The following GSK3B variants were observed in gnomAD, a reference collection of about 807,000 sequenced individuals.
GSK3B encodes glycogen synthase kinase 3 beta.
GSK3B carries 15 observed loss-of-function variants against 56.4 expected under a neutral mutation model. The ratio of observed to expected loss-of-function variants is 0.27; its 90% confidence interval spans 0.18 to 0.41. The LOEUF (loss-of-function observed/expected upper bound fraction) is 0.41, where lower values mean the gene tolerates loss of function less well. Among genes scored for constraint, GSK3B ranks in the 10% least tolerant of loss-of-function variants. The pLI is 1.00. For synonymous variants in GSK3B, 181 were observed against 188.9 expected (o/e 0.96, Z 0.34); for missense variants, 300 against 513.4 (o/e 0.58, Z 4.02).
intron 3 of GSK3B, among the ~76,000 whole-genome samples, chr3:119,938,008 T>A (rs1028262302): frequency 6.6e-6 from 1 of 150,474 alleles, no homozygotes; most frequent in Non-Finnish European, 1.5e-5. Flanking sequence ...TGTTAACATA[T>A]TAGACAACCT....
At chr3:120,029,583 G>T (rs2057958156) in intron 1 of GSK3B, 2 of 585,870 alleles carry the variant, frequency 3.4e-6, no homozygotes, top group Non-Finnish European at 6.6e-6. Context: ...GGTCTTTGCA[G>T]CTGTCTGCAC....
At chr3:119,879,830 T>C (rs567372012) in intron 7 of GSK3B, among the ~76,000 whole-genome samples, 20 of 152,330 alleles carry the variant, frequency 1.3e-4, no homozygotes, top group African/African-American at 4.8e-4. Context: ...TATGAGTATA[T>C]ATATCACATT....
intron 1 of GSK3B, among the ~76,000 whole-genome samples, chr3:120,041,752 G>A (rs964556760): frequency 2.0e-5 from 3 of 152,270 alleles, no homozygotes; most frequent in South Asian, 2.1e-4. Flanking sequence ...AGGACTGGGC[G>A]ACAGTTCTTT....
At chr3:120,042,146 A>G (rs1037964957) in intron 1 of GSK3B, among the ~76,000 whole-genome samples, 4 of 152,206 alleles carry the variant, frequency 2.6e-5, no homozygotes, top group Non-Finnish European at 1.5e-5. Context: ...GAGTCAGGAA[A>G]ATAACCTAAC....
chr3:119,954,014 GACAC>G (rs1576225995), intron 2 of GSK3B, among the ~76,000 whole-genome samples: 1 of 151,968 alleles, frequency 6.6e-6, no homozygotes, highest in African/African-American at 2.4e-5. Context: ...CACAGACACA[GACAC>G]ACACTCACAA....
chr3:119,895,156 T>G (rs889444051), intron 7 of GSK3B, among the ~76,000 whole-genome samples: 10 of 152,160 alleles, frequency 6.6e-5, no homozygotes, highest in African/African-American at 2.2e-4. Context: ...AGAATCCACA[T>G]ATTAGTAAGA....
At chr3:120,007,978 T>C (rs1030855319) in intron 1 of GSK3B, among the ~76,000 whole-genome samples, 5 of 151,322 alleles carry the variant, frequency 3.3e-5, no homozygotes, top group African/African-American at 1.2e-4. Context: ...AGTCAAATTG[T>C]CTCTGTTTGA....
chr3:119,880,090 A>G (rs964259849), intron 7 of GSK3B, among the ~76,000 whole-genome samples: 1 of 151,582 alleles, frequency 6.6e-6, no homozygotes, highest in Non-Finnish European at 1.5e-5. Context: ...CACCAGCAAC[A>G]TAACAAGGAT....
intron 1 of GSK3B, among the ~76,000 whole-genome samples, chr3:120,044,483 GA>G (rs527615536): frequency 1.5e-3 from 219 of 142,090 alleles, no homozygotes; most frequent in African/African-American, 4.8e-3. Flanking sequence ...ATCAAGCAGA[GA>G]AAAAAAAAAA....
chr3:119,972,195 G>A (rs974139343), intron 2 of GSK3B, among the ~76,000 whole-genome samples: 1 of 152,054 alleles, frequency 6.6e-6, no homozygotes, highest in Non-Finnish European at 1.5e-5. Context: ...ACCTCTAACA[G>A]AAACTTTATG....
At chr3:119,880,447 CT>C (rs1246184731) in intron 7 of GSK3B, among the ~76,000 whole-genome samples, 2 of 152,138 alleles carry the variant, frequency 1.3e-5, no homozygotes, top group Non-Finnish European at 2.9e-5. Context: ...TGTGCAGAAG[CT>C]TTTTATCTTG....
intron 2 of GSK3B, among the ~76,000 whole-genome samples, chr3:119,983,321 C>T (rs1185106082): frequency 2.0e-5 from 3 of 152,116 alleles, no homozygotes; most frequent in East Asian, 3.9e-4. Context: ...AACCAGCGAA[C>T]ATCATAATGA....
chr3:119,840,930 T>G (rs2055762753), intron 10 of GSK3B, among the ~76,000 whole-genome samples: 1 of 152,168 alleles, frequency 6.6e-6, no homozygotes, highest in African/African-American at 2.4e-5. Context: ...CCAGTGTGCT[T>G]TCAATCTAAT....
At chr3:119,881,184 T>C (rs536521553) in intron 7 of GSK3B, among the ~76,000 whole-genome samples, 2 of 152,318 alleles carry the variant, frequency 1.3e-5, no homozygotes, top group African/African-American at 4.8e-5. Flanking sequence ...TCTCACACAG[T>C]GGTGAGCTTT....
chr3:119,887,380 A>G (rs1483105450), intron 7 of GSK3B, among the ~76,000 whole-genome samples: 2 of 152,090 alleles, frequency 1.3e-5, no homozygotes, highest in Non-Finnish European at 2.9e-5. Context: ...CAGATCCAGA[A>G]ATGACAGAGA....
At chr3:119,836,292 C>T (rs2055688662) in intron 10 of GSK3B, among the ~76,000 whole-genome samples, 1 of 152,004 alleles carries the variant, frequency 6.6e-6, no homozygotes, top group African/African-American at 2.4e-5. Flanking sequence ...GCTTTTCAAA[C>T]CAAGATGAAG....
intron 1 of GSK3B, among the ~76,000 whole-genome samples, chr3:120,053,986 C>A (rs539737934): frequency 3.9e-5 from 6 of 152,100 alleles, no homozygotes; most frequent in Admixed American, 3.3e-4. Context: ...CTAATACAGC[C>A]CTGAACTGTT....
At chr3:119,868,316 A>AT (rs1309530410) in intron 8 of GSK3B, among the ~76,000 whole-genome samples, 2 of 152,156 alleles carry the variant, frequency 1.3e-5, no homozygotes, top group East Asian at 1.9e-4. Flanking sequence ...GAAAAAAATC[A>AT]TTTTTTCAAA....
At chr3:119,865,565 G>T (rs2056171625) in intron 8 of GSK3B, among the ~76,000 whole-genome samples, 1 of 146,332 alleles carries the variant, frequency 6.8e-6, no homozygotes, top group African/African-American at 2.5e-5. Context: ...TGCCTCCCGG[G>T]TTCATGCCAT....
Sources: allele counts gnomAD v4.1 joint callset (sites outside exome capture counted in the v4.1 genomes callset), GRCh38; gene constraint gnomAD v4.1.1; transcripts MANE v1.5; gene names NCBI Gene and HGNC (gene_info 2026-07-23, HGNC 2026-07-21).